The following RAB31 variants were observed in gnomAD, a reference collection of about 807,000 sequenced individuals.
RAB31 encodes the protein ras-related protein Rab-31.
RAB31 carries 21 observed loss-of-function variants against 25.6 expected under a neutral mutation model. The ratio of observed to expected loss-of-function variants is 0.82; its 90% CI spans 0.58 to 1.18. The LOEUF (loss-of-function observed/expected upper bound fraction) is 1.18, where lower values mean the gene tolerates loss of function less well. RAB31 is among the 50% of genes most tolerant of loss of function. The pLI, the probability that RAB31 is intolerant of heterozygous loss-of-function variation, is 0.00. For missense variants in RAB31, 196 were observed against 250.1 expected (o/e 0.78, Z 1.46); for synonymous variants, 87 against 84.0 (o/e 1.04, Z -0.20).
At chr18:9,760,742 C>T (rs2068284049) in intron 1 of RAB31, among the ~76,000 whole-genome samples, 1 of 152,096 alleles carries the variant, frequency 6.6e-6, no homozygotes, top group Non-Finnish European at 1.5e-5. Flanking sequence ...TGTCACAGTT[C>T]CCAAGGCCCC....
chr18:9,847,076 C>T (rs914722445), intron 6 of RAB31, among the ~76,000 whole-genome samples: 1 of 152,210 alleles, frequency 6.6e-6, no homozygotes, highest in Non-Finnish European at 1.5e-5. Flanking sequence ...CATGTCCCCA[C>T]ATTCCTCTCC....
At chr18:9,847,207 T>G (rs2068766340) in intron 6 of RAB31, among the ~76,000 whole-genome samples, 2 of 152,370 alleles carry the variant, frequency 1.3e-5, no homozygotes, top group Middle Eastern at 6.8e-3. Flanking sequence ...AAACTCATTC[T>G]CTTCTGGTGG....
chr18:9,738,611 A>AT (rs1216624231), intron 1 of RAB31, among the ~76,000 whole-genome samples: 1 of 152,196 alleles, frequency 6.6e-6, no homozygotes, highest in Non-Finnish European at 1.5e-5. Context: ...CCCTTCCCAC[A>AT]TGCCTTGCCC....
Position 9,708,927 on chromosome 18 carries a change from G to A in RAB31, c.39+483G>A, listed in dbSNP as rs2068001357. Among the ~76,000 whole-genome samples the A allele has an allele frequency of 6.6e-6, 1 of 152,234 alleles. No homozygotes were observed. Among genetic ancestry groups the A allele is most frequent in the Non-Finnish European group, 1.5e-5 (1 of 68,046 alleles). ...GTTTAAGTTGCTCAGCCAAGTCGCTGAGTGCTCTTTTGCCTCCTGGGGGCA... is the reference window on the plus strand; with the variant it reads ...GTTTAAGTTGCTCAGCCAAGTCGCTAAGTGCTCTTTTGCCTCCTGGGGGCA... On this transcript the variant is annotated intron_variant, in intron 1 of 6. Coordinates refer to ENST00000578921, the MANE Select transcript of RAB31 (RefSeq NM_006868.4). The surrounding 1 kb of genome is among the most constrained non-coding windows in gnomAD (Gnocchi z 6.4).
At chr18:9,852,131 A>T (rs2068792340) in intron 6 of RAB31, among the ~76,000 whole-genome samples, 1 of 152,138 alleles carries the variant, frequency 6.6e-6, no homozygotes, top group South Asian at 2.1e-4. Flanking sequence ...TGCACTGAAT[A>T]ATATAGTGAA....
intron 2 of RAB31, among the ~76,000 whole-genome samples, chr18:9,782,881 T>C (rs1221198879): frequency 6.6e-6 from 1 of 152,174 alleles, no homozygotes. Context: ...TTTTTGTTTT[T>C]AATTAAATCT....
intron 1 of RAB31, among the ~76,000 whole-genome samples, chr18:9,725,211 C>T (rs1250371729): frequency 1.3e-5 from 2 of 152,216 alleles, no homozygotes; most frequent in East Asian, 1.9e-4. Context: ...ATTTCTACCA[C>T]ATTTTATTGA....
chr18:9,754,428 C>T lies in RAB31; in HGVS notation c.40-20850C>T, dbSNP rs570757770. On this transcript the variant is annotated intron_variant, in intron 1 of 6. Coordinates refer to ENST00000578921, the MANE Select transcript of RAB31 (RefSeq NM_006868.4). ...CTGAGTAGCTGGGATTACAGGTGCC[C>T]GCCACCACACCCGGCTAATTTTTGT... 1.2e-3 allele frequency among the ~76,000 whole-genome samples: 183 copies of T among 152,096 alleles called. 1 individual carries two copies. The highest frequency in any genetic ancestry group is 6.8e-3 in the Middle Eastern group (2 of 294).
intron 3 of RAB31, among the ~76,000 whole-genome samples, chr18:9,804,219 T>C (rs183152992): frequency 3.1e-4 from 47 of 152,350 alleles, no homozygotes; most frequent in African/African-American, 1.1e-3. Flanking sequence ...TGCTCTCCAG[T>C]GCGTGTCCCC....
chr18:9,782,428 T>C lies in RAB31; in HGVS notation c.119+7071T>C, dbSNP rs2068409974. 2.6e-5 allele frequency among the ~76,000 whole-genome samples: 4 copies of C among 152,338 alleles called. No homozygotes were observed. The South Asian group carries it at 8.3e-4, about 32-fold the overall frequency. On this transcript the variant is annotated intron_variant, in intron 2 of 6. Transcript: ENST00000578921. The stretch of plus-strand genomic sequence containing the variant: ...AATGCCATGGGCTGTAAAATGCCAT[T>C]GCTTCAGCATTAAAAGAGTTAACTC...
chr18:9,850,571 C>T (rs979687505), intron 6 of RAB31, among the ~76,000 whole-genome samples: 2 of 152,196 alleles, frequency 1.3e-5, no homozygotes, highest in African/African-American at 2.4e-5. Flanking sequence ...GCATTTTGCT[C>T]CAGTTAATTT....
Position 9,744,586 on chromosome 18 carries a change from G to A in RAB31, c.40-30692G>A, listed in dbSNP as rs185417353. On this transcript the variant is annotated intron_variant, in intron 1 of 6. Coordinates refer to ENST00000578921, the MANE Select transcript of RAB31 (RefSeq NM_006868.4). ...CCCTATTAAAAATAACAAAGGCACCGTGCTTCCTGGTTAACCAGTGACAAG... is the reference window on the plus strand; with the variant it reads ...CCCTATTAAAAATAACAAAGGCACCATGCTTCCTGGTTAACCAGTGACAAG... Among the ~76,000 whole-genome samples the A allele has an allele frequency of 2.3e-3, 344 of 152,216 alleles. 2 individuals carry two copies. Among genetic ancestry groups the A allele is most frequent in the African/African-American group, 7.8e-3 (326 of 41,534 alleles).
chr18:9,828,295 C>G (rs2068660354), intron 5 of RAB31, among the ~76,000 whole-genome samples: 1 of 152,200 alleles, frequency 6.6e-6, no homozygotes, highest in South Asian at 2.1e-4. Flanking sequence ...TCCCCATTGC[C>G]AGGCAGTCAG....
Position 9,832,107 on chromosome 18 carries a change from CT to C in RAB31, c.381-13472del, listed in dbSNP as rs113013351. Among the ~76,000 whole-genome samples the C allele has an allele frequency of 8.2e-3, 1,248 of 152,328 alleles. 20 individuals are homozygous for C. Among genetic ancestry groups the C allele is most frequent in the African/African-American group, 0.028 (1,181 of 41,570 alleles). The stretch of plus-strand genomic sequence containing the variant: ...TCTGGGCGTGCACTGCTGTGGTGGC[CT>C]TTATGGTCAGGAGGCGACATGCAGT... On this transcript the variant is annotated intron_variant, in intron 5 of 6. Transcript: ENST00000578921.
intron 1 of RAB31, among the ~76,000 whole-genome samples, chr18:9,724,577 G>T (rs4798835): frequency 0.58 from 88,190 of 152,048 alleles, 26,644 homozygotes; most frequent in Non-Finnish European, 0.67. Flanking sequence ...AGACTCACAG[G>T]CACTATAATA....
chr18:9,765,828 T>C (rs560027223), intron 1 of RAB31, among the ~76,000 whole-genome samples: 1 of 152,160 alleles, frequency 6.6e-6, no homozygotes, highest in South Asian at 2.1e-4. Flanking sequence ...TAACCTCCAG[T>C]CTTTGGTCCA....
chr18:9,802,540 G>A (rs2068519330), intron 3 of RAB31, among the ~76,000 whole-genome samples: 1 of 152,044 alleles, frequency 6.6e-6, no homozygotes, highest in African/African-American at 2.4e-5. Context: ...TGGGTGTGGT[G>A]GTGCATGCCT....
At chr18:9,820,083 T>A (rs1365595371) in intron 5 of RAB31, among the ~76,000 whole-genome samples, 1 of 152,090 alleles carries the variant, frequency 6.6e-6, no homozygotes, top group African/African-American at 2.4e-5. Flanking sequence ...GGCTAGAATC[T>A]CTAAAACAGC....
At chr18:9,789,173 G>GA (rs888162983) in intron 2 of RAB31, among the ~76,000 whole-genome samples, 11 of 151,888 alleles carry the variant, frequency 7.2e-5, no homozygotes, top group Non-Finnish European at 1.2e-4. Flanking sequence ...TGCAAGAGCT[G>GA]AAAAAAAAGA....
Sources: gnomAD v4.1 joint callset for allele counts (sites outside exome capture counted in the v4.1 genomes callset) on GRCh38, gnomAD v4.1.1 for gene constraint, Gnocchi (gnomAD v3.1) non-coding constraint, MANE v1.5 for transcripts, NCBI Gene and HGNC (gene_info 2026-07-23, HGNC 2026-07-21) for gene names.